Variants in HFM1 observed in about 807,000 individuals in gnomAD.
HFM1 encodes the protein probable ATP-dependent DNA helicase HFM1.
Under a neutral mutation model 192.1 loss-of-function variants are expected in HFM1, and 169 were observed. The observed-to-expected ratio is 0.88, with a 90% CI of 0.78 to 1.00. HFM1 has a LOEUF of 1.00. HFM1 is among the 50% of genes least tolerant of loss of function. HFM1 has a pLI of 0.00. For synonymous variants in HFM1, 525 were observed against 537.8 expected (o/e 0.98, Z 0.33); for missense variants, 1,661 against 1,668.0 (o/e 1.00, Z 0.07).
intron 30 of HFM1, among the ~76,000 whole-genome samples, chr1:91,286,219 A>G (rs768592745): frequency 6.6e-6 from 1 of 152,234 alleles, no homozygotes; most frequent in Non-Finnish European, 1.5e-5. Context: ...TTGACTTTTA[A>G]CAGCACAGAT....
At chr1:91,325,104 G>A (rs929009026) in intron 20 of HFM1, among the ~76,000 whole-genome samples, 1 of 151,506 alleles carries the variant, frequency 6.6e-6, no homozygotes, top group Non-Finnish European at 1.5e-5. Context: ...CTGGGCCAGA[G>A]GGGGAGCCTA....
At chr1:91,378,510 T>C in intron 9 of HFM1, 30 bp from the exon 10 acceptor site, 1 of 1,279,616 alleles carries the variant, frequency 7.8e-7, no homozygotes, top group Non-Finnish European at 1.1e-6. Flanking sequence ...TACAAGTAGT[T>C]TAATGTGATA....
At chr1:91,321,368 C>T (rs577943752) in intron 23 of HFM1, among the ~76,000 whole-genome samples, 4 of 152,124 alleles carry the variant, frequency 2.6e-5, no homozygotes, top group African/African-American at 7.2e-5. Context: ...CGCTTGAGCC[C>T]GGGAGGCAGA....
At chr1:91,364,632 A>T (rs12760961) in intron 13 of HFM1, among the ~76,000 whole-genome samples, 38,706 of 68,646 alleles carry the variant, frequency 0.56, 11,985 homozygotes, top group African/African-American at 0.63. Context: ...ATATATATAT[A>T]TTTTTTTTTT....
At chr1:91,313,546 C>T in intron 29 of HFM1, 51 bp from the exon 30 acceptor site, 2 of 1,221,072 alleles carry the variant, frequency 1.6e-6, no homozygotes, top group Non-Finnish European at 2.3e-6. Flanking sequence ...TATAAATCCA[C>T]ATATGAGAAC....
At chr1:91,319,245 C>G in intron 24 of HFM1, 36 bp from the exon 25 acceptor site, 2 of 1,604,164 alleles carry the variant, frequency 1.2e-6, no homozygotes, top group Non-Finnish European at 1.7e-6. Context: ...ATCTAATATA[C>G]CAGTTTATTG....
chr1:91,385,583 T>A lies in HFM1; in HGVS notation c.746A>T (p.Asp249Val), dbSNP rs1449636597. The A allele has an allele frequency of 6.2e-7, 1 of 1,610,834 alleles. No individual in the cohort carries two copies. Among genetic ancestry groups the A allele is most frequent in the Admixed American group, 1.7e-5 (1 of 59,784 alleles). Residue 249 changes from aspartate (D) to valine (V), a missense_variant, in exon 5 of 39, where the codon GAT becomes GTT. Coordinates refer to ENST00000370425, the MANE Select transcript of HFM1 (RefSeq NM_001017975.6). The part of the protein sequence containing the change: ...PSFSVAFQPH[D>V]IQEVTENGLG... The stretch of plus-strand genomic sequence containing the variant: ...AAAAAGCAAGAAATTACCTTGAATA[T>A]CATGAGGTTGGAAAGCAACTGAAAA...
intron 25 of HFM1, among the ~76,000 whole-genome samples, chr1:91,318,010 C>T (rs1264985893): frequency 6.6e-6 from 1 of 152,048 alleles, no homozygotes; most frequent in South Asian, 2.1e-4. Flanking sequence ...TCTAGAAAGC[C>T]AGAAAGATTG....
intron 34 of HFM1, among the ~76,000 whole-genome samples, chr1:91,271,019 C>T (rs1036769971): frequency 3.3e-5 from 5 of 152,064 alleles, no homozygotes; most frequent in Admixed American, 1.3e-4. Context: ...TGGGAGTACC[C>T]TCCCTTTCCT....
chr1:91,330,051 T>C (rs1233689456), intron 20 of HFM1, among the ~76,000 whole-genome samples: 1 of 152,132 alleles, frequency 6.6e-6, no homozygotes, highest in Non-Finnish European at 1.5e-5. Flanking sequence ...ACTGTGTCTA[T>C]GTCTGTGACT....
intron 13 of HFM1, among the ~76,000 whole-genome samples, chr1:91,368,204 C>G (rs4512702): frequency 0.21 from 31,216 of 152,116 alleles, 3,608 homozygotes; most frequent in Non-Finnish European, 0.26. Flanking sequence ...CTTCTCCAAT[C>G]TAGCAAGGCA....
intron 30 of HFM1, among the ~76,000 whole-genome samples, chr1:91,302,200 C>T (rs1453119663): frequency 6.6e-6 from 1 of 151,334 alleles, no homozygotes; most frequent in Non-Finnish European, 1.5e-5. Context: ...CATGATTGGC[C>T]ATCAGAGAAA....
intron 13 of HFM1, among the ~76,000 whole-genome samples, chr1:91,355,123 T>C (rs980038875): frequency 1.3e-5 from 2 of 152,156 alleles, no homozygotes; most frequent in African/African-American, 4.8e-5. Context: ...AGTAGTTGTA[T>C]GTGACTGAAG....
At chr1:91,320,892 A>G (rs1445752202) in intron 23 of HFM1, among the ~76,000 whole-genome samples, 1 of 152,188 alleles carries the variant, frequency 6.6e-6, no homozygotes, top group African/African-American at 2.4e-5. Flanking sequence ...CAGGGTTAGT[A>G]AAAGAATTAA....
At chr1:91,302,187 C>G (rs1011367268) in intron 30 of HFM1, among the ~76,000 whole-genome samples, 1 of 151,454 alleles carries the variant, frequency 6.6e-6, no homozygotes, top group African/African-American at 2.4e-5. Context: ...AGAAAATGCT[C>G]ATCATGATTG....
rs114563361 is a variant in HFM1, at chr1:91,393,968, G to A, written c.494+125C>T. 6.8e-3 allele frequency: 3,692 copies of A among 543,296 alleles called. 120 individuals carry two copies. The highest frequency in any genetic ancestry group is 0.067 in the African/African-American group (3,428 of 51,280). The allele number at this position is 543,296 out of a possible 1,614,324, so 33.7% of individuals were successfully genotyped here. On this transcript the variant is annotated intron_variant, in intron 4 of 38. Transcript: ENST00000370425. ...TGACACCAGGAATGGAGAAAGTAAG[G>A]AATTATTTAGGAGATAGAATTTTGC... is the stretch of plus-strand genomic sequence containing the variant.
At chr1:91,340,813 A>G (rs552660022) in intron 20 of HFM1, among the ~76,000 whole-genome samples, 13 of 152,348 alleles carry the variant, frequency 8.5e-5, no homozygotes, top group African/African-American at 3.1e-4. Flanking sequence ...CAGACAAGAC[A>G]GACTTTACAC....
At chr1:91,338,215 A>G (rs1166331191) in intron 20 of HFM1, among the ~76,000 whole-genome samples, 2 of 152,208 alleles carry the variant, frequency 1.3e-5, no homozygotes, top group Non-Finnish European at 2.9e-5. Context: ...TGGCAGGGAC[A>G]GGACTCCACC....
intron 34 of HFM1, among the ~76,000 whole-genome samples, chr1:91,273,128 C>T (rs930064194): frequency 4.6e-5 from 7 of 151,986 alleles, no homozygotes; most frequent in South Asian, 2.1e-4. Context: ...AATTTAATGA[C>T]GGACACAGAT....
Sources: gnomAD v4.1 joint callset for allele counts (sites outside exome capture counted in the v4.1 genomes callset) on GRCh38, gnomAD v4.1.1 for gene constraint, MANE v1.5 for transcripts, NCBI Gene and HGNC (gene_info 2026-07-23, HGNC 2026-07-21) for gene names.